Variants in PROM1 observed in about 807,000 individuals in gnomAD.
PROM1 encodes the protein prominin 1.
A neutral mutation model predicts 116.9 loss-of-function variants in PROM1; 105 were observed. The ratio of observed to expected loss-of-function variants is 0.90; its 90% CI spans 0.77 to 1.06. The LOEUF (loss-of-function observed/expected upper bound fraction) is 1.06. Ranked by LOEUF, PROM1 falls within the 50% of genes least tolerant of loss-of-function variation. PROM1 has a pLI of 0.00. For synonymous variants in PROM1, 393 were observed against 387.0 expected, an observed-to-expected ratio of 1.02 and a Z score of -0.18; for missense variants, 1,122 against 1,045.2, an observed-to-expected ratio of 1.07 and a Z score of -1.01.
intron 5 of PROM1, among the ~76,000 whole-genome samples, chr4:16,029,525 T>C (rs921703435): frequency 6.6e-6 from 1 of 152,114 alleles, no homozygotes; most frequent in Admixed American, 6.6e-5. Context: ...ACAGACTGCA[T>C]AAACATATGT....
At chr4:15,993,896 AAATTTCATCTC>A (rs1721666249) in intron 16 of PROM1, 80 bp downstream of exon 16, 3 of 1,547,890 alleles carry the variant, frequency 1.9e-6, no homozygotes, top group Non-Finnish European at 2.6e-6. Flanking sequence ...TATCTTTTGC[AAATTTCATCTC>A]AATTTCCAGA....
chr4:16,052,178 C>A (rs141641380), intron 2 of PROM1, among the ~76,000 whole-genome samples: 3 of 152,290 alleles, frequency 2.0e-5, no homozygotes, highest in Non-Finnish European at 4.4e-5. Flanking sequence ...TGAACCTCCA[C>A]TGAGAATGCC....
chr4:16,004,960 T>TCA, intron 13 of PROM1, among the ~76,000 whole-genome samples: 1 of 84,308 alleles, frequency 1.2e-5, no homozygotes, highest in Non-Finnish European at 2.2e-5. Context: ...TTTCTCGCTC[T>TCA]CTCTTTTTTT....
intron 2 of PROM1, among the ~76,000 whole-genome samples, chr4:16,062,186 C>T (rs190127763): frequency 8.5e-5 from 13 of 152,242 alleles, no homozygotes; most frequent in African/African-American, 2.9e-4. Context: ...CCACCGCACC[C>T]GGCCACAAAT....
rs1181059179 is a variant in PROM1 at position 16,013,358 on chromosome 4, A to G, written c.1078-20T>C. On this transcript the variant is annotated intron_variant, in intron 10 of 27. Transcript: ENST00000447510. ...ATAGCCCTGAAAAATATTTCAAAAT[A>G]AAAGGATGTACACAGTTAAGTCAAA... The G allele has an allele frequency of 3.2e-6, 5 of 1,558,344 alleles. No homozygotes were observed. Among genetic ancestry groups the G allele is most frequent in the Non-Finnish European group, 4.4e-6 (5 of 1,129,354 alleles).
At chr4:15,970,712 C>A (rs561210370) in intron 27 of PROM1, among the ~76,000 whole-genome samples, 2 of 152,074 alleles carry the variant, frequency 1.3e-5, no homozygotes, top group South Asian at 4.1e-4. Flanking sequence ...TACTGTATAT[C>A]ATCTCTAGAT....
At chr4:16,079,218 G>A (rs915970197) in intron 1 of PROM1, 2 of 152,214 alleles carry the variant, frequency 1.3e-5, no homozygotes, top group Admixed American at 6.5e-5. Flanking sequence ...AGGACAGAGA[G>A]AAACTGCCAA....
rs1730961096 is a variant in PROM1 at position 16,025,285 on chromosome 4, T to A, written c.537A>T (p.Ala179=). ...ISIGIFYGFV[A]NHQVRTRIKR... Reference sequence around the variant, plus strand: ...TGATCCGGGTTCTTACCTGGTGATTTGCCACAAAACCATAGAAGATGCCAA... The same window carrying A: ...TGATCCGGGTTCTTACCTGGTGATTAGCCACAAAACCATAGAAGATGCCAA... The change falls in exon 6 of 28, where the codon GCA becomes GCT. Residue 179 remains alanine, a synonymous_variant. Coordinates refer to ENST00000447510, the MANE Select transcript of PROM1 (RefSeq NM_006017.3). 1 of 1,613,992 alleles carries A rather than the reference T, an allele frequency of 6.2e-7. No individual in the cohort carries two copies. Among genetic ancestry groups the A allele is most frequent in the Non-Finnish European group, 8.5e-7 (1 of 1,179,842 alleles).
intron 7 of PROM1, 113 bp downstream of exon 7, chr4:16,024,182 T>C: frequency 1.1e-6 from 1 of 936,606 alleles, no homozygotes; most frequent in Non-Finnish European, 1.7e-6. Context: ...GGCTAGGGAA[T>C]CATCTTTCTG....
intron 8 of PROM1, among the ~76,000 whole-genome samples, chr4:16,021,569 A>G (rs1299033761): frequency 6.6e-6 from 1 of 152,194 alleles, no homozygotes; most frequent in African/African-American, 2.4e-5. Context: ...TTGGAAAACA[A>G]AAAGATCTTG....
chr4:15,974,392 C>T (rs1715536812), intron 26 of PROM1, among the ~76,000 whole-genome samples: 1 of 151,982 alleles, frequency 6.6e-6, no homozygotes. Flanking sequence ...GTATAATGGA[C>T]TAATTACAGT....
chr4:16,022,430 C>G (rs1730140948), intron 8 of PROM1, among the ~76,000 whole-genome samples: 1 of 152,168 alleles, frequency 6.6e-6, no homozygotes, highest in South Asian at 2.1e-4. Flanking sequence ...AAGGAAAGGC[C>G]TTTCAATTAG....
In PROM1 at chr4:16,000,488, A is replaced by T. The variant is rs1330872844; in HGVS notation, c.1578+8T>A. On this transcript the variant is annotated splice_region_variant and intron_variant, in intron 14 of 27. Coordinates refer to ENST00000447510, the MANE Select transcript of PROM1 (RefSeq NM_006017.3). Reference sequence around the variant, plus strand: ...GTCCTTTCATAATGGGTAGAAAATCATATTTACCCGGAATAATTCCTTGCT... The same window carrying T: ...GTCCTTTCATAATGGGTAGAAAATCTTATTTACCCGGAATAATTCCTTGCT... 5.7e-5 allele frequency: 90 copies of T among 1,574,086 alleles called. No individual in the cohort carries two copies. The highest frequency in any genetic ancestry group is 7.7e-5 in the Non-Finnish European group (89 of 1,150,126).
intron 20 of PROM1, among the ~76,000 whole-genome samples, chr4:15,986,848 T>A (rs1719542520): frequency 6.6e-6 from 1 of 152,232 alleles, no homozygotes; most frequent in Non-Finnish European, 1.5e-5. Context: ...TTTAGTTTTA[T>A]CCTGTGGGGC....
chr4:16,076,164 T>A, intron 1 of PROM1, 46 bp from the exon 2 acceptor site: 1 of 576,704 alleles, frequency 1.7e-6, no homozygotes, highest in Non-Finnish European at 2.8e-6. Flanking sequence ...GCGTGTAAAC[T>A]GCCTGCACCT....
intron 2 of PROM1, among the ~76,000 whole-genome samples, chr4:16,064,826 G>C (rs560714067): frequency 6.6e-6 from 1 of 150,648 alleles, no homozygotes; most frequent in African/African-American, 2.4e-5. Flanking sequence ...CTGGGAGGCA[G>C]AGGTTGCAGT....
At chr4:16,054,568 A>G (rs1425641170) in intron 2 of PROM1, among the ~76,000 whole-genome samples, 1 of 152,238 alleles carries the variant, frequency 6.6e-6, no homozygotes, top group Non-Finnish European at 1.5e-5. Flanking sequence ...GTGTAACTTT[A>G]GCAAATTATT....
rs180769788 is a variant in PROM1 at position 15,984,253 on chromosome 4, G to T, written c.2373+10C>A. The T allele has an allele frequency of 1.3e-6, 2 of 1,566,920 alleles. No individual in the cohort carries two copies. Among genetic ancestry groups the T allele is most frequent in the East Asian group, 2.3e-5 (1 of 44,390 alleles). ...TTCATTGTGTCTTCTTTTGAAAGATGAAATCTTACCAAGGGGTCGATAATG... is the reference window on the plus strand; with the variant it reads ...TTCATTGTGTCTTCTTTTGAAAGATTAAATCTTACCAAGGGGTCGATAATG... On this transcript the variant is annotated intron_variant, in intron 23 of 27. Transcript: ENST00000447510.
At chr4:16,004,864 TCTCTCTC>T (rs1560460594) in intron 13 of PROM1, among the ~76,000 whole-genome samples, 29 of 121,226 alleles carry the variant, frequency 2.4e-4, no homozygotes, top group African/African-American at 8.2e-4. Context: ...TTCCTTCCTC[TCTCTCTC>T]CCTCTCTCTC....
Sources: allele counts gnomAD v4.1 joint callset (sites outside exome capture counted in the v4.1 genomes callset), GRCh38; gene constraint gnomAD v4.1.1; transcripts MANE v1.5; gene names NCBI Gene and HGNC (gene_info 2026-07-23, HGNC 2026-07-21).